The following FAM184A variants were observed in gnomAD, a reference collection of about 807,000 sequenced individuals.
FAM184A encodes protein FAM184A.
In FAM184A, 99 loss-of-function variants were observed where a neutral mutation model predicts 143.8. The ratio of observed to expected loss-of-function variants is 0.69; its 90% CI spans 0.58 to 0.81. The LOEUF (loss-of-function observed/expected upper bound fraction) is 0.81. Ranked by LOEUF, FAM184A falls within the 40% of genes least tolerant of loss-of-function variation. The pLI, the probability that FAM184A is intolerant of heterozygous loss-of-function variation, is 0.00. For synonymous variants in FAM184A, 427 were observed against 446.4 expected (o/e 0.96, Z 0.55); for missense variants, 1,217 against 1,310.5 (o/e 0.93, Z 1.10).
chr6:119,117,583 A>G (rs1375598034), intron 1 of FAM184A, among the ~76,000 whole-genome samples: 1 of 152,138 alleles, frequency 6.6e-6, no homozygotes, highest in East Asian at 1.9e-4. Context: ...CATGCCTGCG[A>G]CTCAGAGGTA....
intron 17 of FAM184A, 136 bp from the exon 18 acceptor site, chr6:118,960,320 A>AC (rs1257429239): frequency 3.1e-6 from 2 of 651,044 alleles, no homozygotes; most frequent in Non-Finnish European, 5.2e-6. Flanking sequence ...AAGATTTGCT[A>AC]CCCCCTCTAT....
chr6:118,965,822 G>A (rs1463289517), intron 15 of FAM184A, among the ~76,000 whole-genome samples: 1 of 152,106 alleles, frequency 6.6e-6, no homozygotes, highest in Non-Finnish European at 1.5e-5. Flanking sequence ...GTAAGAACTG[G>A]GAATTAATAG....
In FAM184A at chr6:118,975,170, C is replaced by G; in HGVS notation, c.2622G>C (p.Glu874Asp). The change falls in exon 13 of 18, where the codon GAG becomes GAC. Residue 874 changes from glutamate to aspartate, a missense_variant. Transcript: ENST00000338891. ...EHICRITDLQ[E>D]ELRHREHHIS... ...TGTGATGCTCTCTGTGTCTTAATTC[C>G]TCTTGTAGATCTGTAATTCTACATA... The G allele has an allele frequency of 6.2e-7, 1 of 1,608,576 alleles. No individual in the cohort carries two copies. The highest frequency in any genetic ancestry group is 8.5e-7 in the Non-Finnish European group (1 of 1,177,340).
chr6:118,962,119 G>C (rs1783347149), intron 16 of FAM184A, 156 bp from the exon 17 acceptor site: 1 of 654,408 alleles, frequency 1.5e-6, no homozygotes, highest in Admixed American at 2.7e-5. Context: ...CTGTGGTCTG[G>C]GAATCCTTGG....
chr6:118,981,250 T>C (rs1191009208), intron 9 of FAM184A, among the ~76,000 whole-genome samples: 1 of 152,204 alleles, frequency 6.6e-6, no homozygotes, highest in East Asian at 1.9e-4. Context: ...GATAAAACCA[T>C]TTAATTGACC....
intron 1 of FAM184A, among the ~76,000 whole-genome samples, chr6:119,142,608 G>A (rs569922199): frequency 3.7e-4 from 56 of 152,298 alleles, no homozygotes; most frequent in African/African-American, 1.3e-3. Context: ...GCATTCAGAA[G>A]ACAAACAAGC....
intron 1 of FAM184A, among the ~76,000 whole-genome samples, chr6:119,055,640 C>T (rs1370268106): frequency 6.6e-6 from 1 of 152,180 alleles, no homozygotes; most frequent in Non-Finnish European, 1.5e-5. Context: ...CTAATGACTA[C>T]TGATGGTGAC....
chr6:119,023,425 C>G (rs1051754365), intron 2 of FAM184A, among the ~76,000 whole-genome samples: 133 of 152,080 alleles, frequency 8.7e-4, no homozygotes, highest in African/African-American at 3.1e-3. Context: ...AGAAAGCAAG[C>G]AATTTCTTGA....
At chr6:119,038,507 G>A (rs1348319511) in intron 1 of FAM184A, among the ~76,000 whole-genome samples, 1 of 152,112 alleles carries the variant, frequency 6.6e-6, no homozygotes, top group Non-Finnish European at 1.5e-5. Context: ...ACCTCTGGCT[G>A]TCCTCACTGC....
At chr6:119,090,935 C>T (rs943157204) in intron 1 of FAM184A, among the ~76,000 whole-genome samples, 3 of 152,110 alleles carry the variant, frequency 2.0e-5, no homozygotes, top group Non-Finnish European at 2.9e-5. Flanking sequence ...GTTAATCTTT[C>T]GAGATCTAGA....
At chr6:119,133,584 T>C (rs997769657) in intron 1 of FAM184A, among the ~76,000 whole-genome samples, 5 of 152,012 alleles carry the variant, frequency 3.3e-5, no homozygotes, top group African/African-American at 1.2e-4. Context: ...TTGTACCTCA[T>C]GTTAACCAGT....
At chr6:118,988,737 T>TAG (rs1784269040) in intron 9 of FAM184A, among the ~76,000 whole-genome samples, 1 of 152,138 alleles carries the variant, frequency 6.6e-6, no homozygotes, top group Non-Finnish European at 1.5e-5. Context: ...ATTTACAACA[T>TAG]AGGCTCATTT....
Position 119,096,664 on chromosome 6 carries a change from A to G in FAM184A, c.-202+52414T>C, listed in dbSNP as rs1185862686. ...TCTCAAAAAAAAAAAAAAAAAAAAA[A>G]AAAGAAAGAAAGAAAAGGTTAATGC... On this transcript the variant is annotated intron_variant, in intron 1 of 16. Transcript: ENST00000352896. Among the ~76,000 whole-genome samples the G allele has an allele frequency of 9.5e-4, 143 of 150,890 alleles. 12 individuals carry two copies. Among genetic ancestry groups the G allele is most frequent in the African/African-American group, 3.0e-3 (121 of 40,896 alleles).
intron 1 of FAM184A, among the ~76,000 whole-genome samples, chr6:119,102,784 C>CAAAAAAAAAAA (rs58686018): frequency 2.2e-3 from 67 of 30,102 alleles, no homozygotes; most frequent in East Asian, 3.6e-3. Flanking sequence ...GACTCCATCT[C>CAAAAAAAAAAA]AAAAAAAAAA....
At chr6:119,139,979 G>A (rs1258863998) in intron 1 of FAM184A, among the ~76,000 whole-genome samples, 1 of 152,248 alleles carries the variant, frequency 6.6e-6, no homozygotes, top group Non-Finnish European at 1.5e-5. Flanking sequence ...GCTTTGAGCA[G>A]TGGCGCCTTG....
intron 6 of FAM184A, 122 bp downstream of exon 6, chr6:119,011,187 T>A: frequency 1.2e-6 from 1 of 810,128 alleles, no homozygotes; most frequent in Non-Finnish European, 1.8e-6. Context: ...TTAAAGTTTT[T>A]AAATTATTTT....
intron 9 of FAM184A, among the ~76,000 whole-genome samples, chr6:118,993,737 A>T (rs1359514799): frequency 6.6e-6 from 1 of 152,254 alleles, no homozygotes; most frequent in East Asian, 1.9e-4. Context: ...CGGAAAATAT[A>T]AATCTGAACA....
At chr6:119,145,185 C>T (rs1352457955) in intron 1 of FAM184A, among the ~76,000 whole-genome samples, 1 of 152,128 alleles carries the variant, frequency 6.6e-6, no homozygotes, top group Non-Finnish European at 1.5e-5. Flanking sequence ...TCTGCTGGTC[C>T]CTACCAACAT....
At chr6:119,011,196 T>C in intron 6 of FAM184A, 113 bp downstream of exon 6, 1 of 852,898 alleles carries the variant, frequency 1.2e-6, no homozygotes, top group Non-Finnish European at 1.7e-6. Context: ...TTAAATTATT[T>C]TTATTCTAGA....
Sources: allele counts gnomAD v4.1 joint callset (sites outside exome capture counted in the v4.1 genomes callset), GRCh38; gene constraint gnomAD v4.1.1; transcripts MANE v1.5; gene names NCBI Gene and HGNC (gene_info 2026-07-23, HGNC 2026-07-21).